Variants in PTPN2 observed in about 807,000 individuals in gnomAD.
PTPN2 encodes the protein tyrosine-protein phosphatase non-receptor type 2.
A neutral mutation model predicts 57.3 loss-of-function variants in PTPN2; 19 were observed. The ratio of observed to expected loss-of-function variants is 0.33; its 90% confidence interval spans 0.23 to 0.49. The LOEUF (loss-of-function observed/expected upper bound fraction) is 0.49. Among genes scored for constraint, PTPN2 ranks in the 20% least tolerant of loss-of-function variants. The probability of loss-of-function intolerance (pLI) is 0.99; values close to 1 mark genes in which losing one functional copy is unlikely to be tolerated. For missense variants in PTPN2, 358 were observed against 501.1 expected, an observed-to-expected ratio of 0.71 and a Z score of 2.73; for synonymous variants, 153 against 164.9, an observed-to-expected ratio of 0.93 and a Z score of 0.55.
intron 5 of PTPN2, among the ~76,000 whole-genome samples, chr18:12,824,703 T>C (rs915662434): frequency 6.6e-6 from 1 of 152,180 alleles, no homozygotes; most frequent in South Asian, 2.1e-4. Flanking sequence ...GCCTCAATCA[T>C]CACCCTGGCA....
At chr18:12,831,719 T>C (rs2042676218) in intron 3 of PTPN2, among the ~76,000 whole-genome samples, 1 of 152,156 alleles carries the variant, frequency 6.6e-6, no homozygotes, top group Non-Finnish European at 1.5e-5. Context: ...TGAACCACAA[T>C]GAAACTGTTA....
intron 3 of PTPN2, among the ~76,000 whole-genome samples, chr18:12,833,908 T>C (rs988042502): frequency 1.1e-4 from 17 of 152,128 alleles, no homozygotes; most frequent in African/African-American, 4.1e-4. Flanking sequence ...AAATATCCAA[T>C]AGAGACCTGA....
chr18:12,796,079 T>A (rs1004226791), intron 8 of PTPN2, among the ~76,000 whole-genome samples: 1 of 152,126 alleles, frequency 6.6e-6, no homozygotes, highest in African/African-American at 2.4e-5. Context: ...AAATAATGAT[T>A]AAAGAAATGC....
intron 9 of PTPN2, chr18:12,786,160 CGACA>C (rs754941121): frequency 2.5e-5 from 9 of 358,442 alleles, no homozygotes; most frequent in East Asian, 2.5e-4. Flanking sequence ...TGTGTGATAC[CGACA>C]GACAGACAGG....
At chr18:12,840,288 T>G (rs1057386098) in intron 2 of PTPN2, among the ~76,000 whole-genome samples, 1 of 152,200 alleles carries the variant, frequency 6.6e-6, no homozygotes, top group Non-Finnish European at 1.5e-5. Context: ...GCAAGTAAAA[T>G]AGTCGAACAA....
intron 4 of PTPN2, among the ~76,000 whole-genome samples, chr18:12,828,001 T>C (rs964597115): frequency 3.3e-5 from 5 of 151,916 alleles, no homozygotes; most frequent in Non-Finnish European, 5.9e-5. Flanking sequence ...AAACTAATAA[T>C]ATCTGAAGAA....
rs377277726 is a variant in PTPN2, at chr18:12,815,070, C to T, written c.706-715G>A. Among the ~76,000 whole-genome samples the T allele has an allele frequency of 4.1e-5, 6 of 147,156 alleles. No homozygotes were observed. The East Asian group carries it at 1.0e-3, about 25-fold the overall frequency. ...CTATACTCCAGCCTGGGCGACAGAG[C>T]GAGACTCCATCTCAAAAATAAATAA... On this transcript the variant is annotated intron_variant, in intron 6 of 8. Coordinates refer to ENST00000309660, the MANE Select transcript of PTPN2 (RefSeq NM_002828.4).
chr18:12,873,839 T>G (rs1265276777), intron 1 of PTPN2, among the ~76,000 whole-genome samples: 1 of 151,860 alleles, frequency 6.6e-6, no homozygotes, highest in African/African-American at 2.4e-5. Context: ...ATCTAGGAAG[T>G]GAGGAGCGTC....
At chr18:12,861,087 G>A (rs764960919) in intron 1 of PTPN2, among the ~76,000 whole-genome samples, 1 of 152,110 alleles carries the variant, frequency 6.6e-6, no homozygotes, top group Non-Finnish European at 1.5e-5. Context: ...TCATCTACCT[G>A]CCTCAGCCTC....
chr18:12,809,304 T>C (rs1018351377), intron 7 of PTPN2, among the ~76,000 whole-genome samples: 3 of 152,220 alleles, frequency 2.0e-5, no homozygotes, highest in Non-Finnish European at 4.4e-5. Context: ...AGAAAATATG[T>C]TTCCTGTGCT....
intron 2 of PTPN2, 97 bp downstream of exon 2, chr18:12,859,065 GTA>G (rs2043697702): frequency 6.6e-6 from 5 of 760,734 alleles, no homozygotes; most frequent in Non-Finnish European, 1.0e-5. Flanking sequence ...AAAAATTACT[GTA>G]TTTATCAACA....
intron 5 of PTPN2, among the ~76,000 whole-genome samples, chr18:12,818,503 T>C (rs2042155890): frequency 6.6e-6 from 1 of 152,206 alleles, no homozygotes; most frequent in African/African-American, 2.4e-5. Context: ...TGATGATCTG[T>C]ATTTCTAACT....
chr18:12,857,578 C>T (rs1265917909), intron 2 of PTPN2, among the ~76,000 whole-genome samples: 1 of 152,198 alleles, frequency 6.6e-6, no homozygotes, highest in Non-Finnish European at 1.5e-5. Flanking sequence ...AAAATACTGT[C>T]TTCAAAACTC....
chr18:12,865,177 T>A lies in PTPN2; in HGVS notation c.70-5923A>T, dbSNP rs111468000. On this transcript the variant is annotated intron_variant, in intron 1 of 8. Coordinates refer to ENST00000309660, the MANE Select transcript of PTPN2 (RefSeq NM_002828.4). ...TGAAAGAAACTGAGGCCAGGCGCTG[T>A]GAGTCATGCCTGCAATCCCAATACT... Among the ~76,000 whole-genome samples the A allele has an allele frequency of 8.8e-3, 1,344 of 152,250 alleles. 25 individuals are homozygous for A. Among genetic ancestry groups the A allele is most frequent in the African/African-American group, 0.031 (1,294 of 41,548 alleles).
At chr18:12,883,391 C>A (rs1223673979) in intron 1 of PTPN2, among the ~76,000 whole-genome samples, 1 of 152,206 alleles carries the variant, frequency 6.6e-6, no homozygotes, top group Non-Finnish European at 1.5e-5. Flanking sequence ...AAAATGAAGA[C>A]GGAGGGTCCC....
chr18:12,847,245 C>T lies in PTPN2; in HGVS notation c.161-10354G>A, dbSNP rs557093406. Reference sequence around the variant, plus strand: ...GAAGATCTGACAGTGAGAAGATCCACCCTCTGCGTGAATACCTCCAATAAC... The same window carrying T: ...GAAGATCTGACAGTGAGAAGATCCATCCTCTGCGTGAATACCTCCAATAAC... On this transcript the variant is annotated intron_variant, in intron 2 of 8. Coordinates refer to ENST00000309660, the MANE Select transcript of PTPN2 (RefSeq NM_002828.4). 2.0e-5 allele frequency among the ~76,000 whole-genome samples: 3 copies of T among 152,288 alleles called. No individual in the cohort carries two copies. The South Asian group carries it at 6.2e-4, about 32-fold the overall frequency.
intron 8 of PTPN2, 114 bp from the exon 9 acceptor site, chr18:12,794,599 G>C (rs1282491604): frequency 7.9e-7 from 1 of 1,258,366 alleles, no homozygotes. Context: ...CACCCTATTT[G>C]AACACTGGAA....
At chr18:12,857,971 T>G (rs913820935) in intron 2 of PTPN2, among the ~76,000 whole-genome samples, 1 of 152,234 alleles carries the variant, frequency 6.6e-6, no homozygotes, top group Non-Finnish European at 1.5e-5. Flanking sequence ...CTTGGAAATG[T>G]ATTTGGTCAA....
At chr18:12,828,097 G>C (rs775835296) in intron 4 of PTPN2, among the ~76,000 whole-genome samples, 2 of 152,080 alleles carry the variant, frequency 1.3e-5, no homozygotes, top group African/African-American at 2.4e-5. Context: ...GACTTTGGTG[G>C]AATACCAGAA....
Sources: gnomAD v4.1 joint callset for allele counts (sites outside exome capture counted in the v4.1 genomes callset) on GRCh38, gnomAD v4.1.1 for gene constraint, MANE v1.5 for transcripts, NCBI Gene and HGNC (gene_info 2026-07-23, HGNC 2026-07-21) for gene names.